The following TRHDE variants were observed in gnomAD, a reference collection of about 807,000 sequenced individuals.
The protein encoded by TRHDE is thyrotropin releasing hormone degrading enzyme.
Under a neutral mutation model 125.7 loss-of-function variants are expected in TRHDE, and 72 were observed. That is an observed-to-expected ratio of 0.57 (90% CI 0.47 to 0.70). The LOEUF (loss-of-function observed/expected upper bound fraction) is 0.70, where lower values mean the gene tolerates loss of function less well. TRHDE is among the 30% of genes least tolerant of loss of function. TRHDE has a pLI of 0.00. For synonymous variants in TRHDE, 509 were observed against 509.1 expected, an observed-to-expected ratio of 1.00 and a Z score of 0.00; for missense variants, 1,110 against 1,327.1, an observed-to-expected ratio of 0.84 and a Z score of 2.54.
At chr12:72,508,952 T>C (rs1878470407) in intron 6 of TRHDE, among the ~76,000 whole-genome samples, 2 of 152,096 alleles carry the variant, frequency 1.3e-5, no homozygotes, top group African/African-American at 4.8e-5. Flanking sequence ...TTGCCTTCTG[T>C]TATGATTGTA....
chr12:72,525,300 T>G (rs1868312343), intron 6 of TRHDE, among the ~76,000 whole-genome samples: 1 of 152,120 alleles, frequency 6.6e-6, no homozygotes. Flanking sequence ...CCTTTAGATA[T>G]GTGCATTGTT....
chr12:72,666,868 TATTA>T lies in TRHDE; in HGVS notation c.*3678_*3681del, dbSNP rs894753243. The T allele has an allele frequency of 1.3e-5, 2 of 152,220 alleles. No individual in the cohort carries two copies. The highest frequency in any genetic ancestry group is 1.9e-4 in the East Asian group (1 of 5,162). The allele number at this position is 152,220 out of a possible 1,614,324, so 9.4% of individuals were successfully genotyped here. Reference sequence around the variant, plus strand: ...GACAAATAATTTAATTCATTTAGTTTATTAATTATATTTCCTGTCTGTATCTTTT... The same window carrying T: ...GACAAATAATTTAATTCATTTAGTTTATTATATTTCCTGTCTGTATCTTTT... On this transcript the variant is annotated 3_prime_UTR_variant, in exon 19 of 19. Transcript: ENST00000261180.
At chr12:72,358,739 G>A (rs1592567106) in intron 2 of TRHDE, among the ~76,000 whole-genome samples, 1 of 151,674 alleles carries the variant, frequency 6.6e-6, no homozygotes, top group Non-Finnish European at 1.5e-5. Context: ...AAAAGACTAC[G>A]TGACCTACCT....
At chr12:72,376,662 A>C (rs1339105125) in intron 2 of TRHDE, among the ~76,000 whole-genome samples, 1 of 152,204 alleles carries the variant, frequency 6.6e-6, no homozygotes, top group Non-Finnish European at 1.5e-5. Flanking sequence ...CCTTGACTTC[A>C]TACTCTTTTT....
chr12:72,164,493 T>C (rs1435675506), intron 2 of TRHDE, among the ~76,000 whole-genome samples: 1 of 152,142 alleles, frequency 6.6e-6, no homozygotes, highest in Non-Finnish European at 1.5e-5. Context: ...GAGAGTCCAG[T>C]GGTGGTGAGC....
intron 6 of TRHDE, among the ~76,000 whole-genome samples, chr12:72,508,818 C>T (rs1234628522): frequency 6.6e-6 from 1 of 152,010 alleles, no homozygotes; most frequent in Non-Finnish European, 1.5e-5. Context: ...GTGGATTTCC[C>T]CCTTGCTGTT....
chr12:72,432,145 T>C (rs1874516486), intron 3 of TRHDE: 1 of 152,422 alleles, frequency 6.6e-6, no homozygotes, highest in Non-Finnish European at 1.5e-5. Context: ...AGCAACAGCA[T>C]TACAGAGACT....
intron 2 of TRHDE, among the ~76,000 whole-genome samples, chr12:72,127,968 C>T (rs1307397957): frequency 6.6e-6 from 1 of 151,860 alleles, no homozygotes; most frequent in East Asian, 1.9e-4. Context: ...TCTGGGGGGA[C>T]TAAGGTGGCC....
chr12:72,196,331 A>G, intron 2 of TRHDE, among the ~76,000 whole-genome samples: 1 of 152,130 alleles, frequency 6.6e-6, no homozygotes, highest in Non-Finnish European at 1.5e-5. Context: ...CCATTTTAAC[A>G]ATATTGAATC....
rs1293859330 is a variant in TRHDE, at chr12:72,668,846, A to C, written c.*5651A>C. ...AAGCCTTATATAGCTCAAACTAGTC[A>C]TTAATCTGCCCTCAGCATGTATGAA... On this transcript the variant is annotated 3_prime_UTR_variant, in exon 19 of 19. Transcript: ENST00000261180. 6.6e-6 allele frequency: 1 copy of C among 151,856 alleles called. No individual in the cohort carries two copies. The highest frequency in any genetic ancestry group is 2.4e-5 in the African/African-American group (1 of 41,424). 9.4% of individuals were successfully genotyped at this position (151,856 alleles called of 1,614,324 possible). A position where few individuals can be genotyped will look rare whatever the true frequency, so the allele number is the denominator to read the frequency against.
At chr12:72,247,500 TC>T (rs1160043238) in intron 2 of TRHDE, among the ~76,000 whole-genome samples, 1 of 150,892 alleles carries the variant, frequency 6.6e-6, no homozygotes, top group Non-Finnish European at 1.5e-5. Context: ...TGATGGGTAC[TC>T]TGAGCCTCAG....
chr12:72,566,175 C>A (rs1048426631), intron 9 of TRHDE, among the ~76,000 whole-genome samples: 2 of 151,820 alleles, frequency 1.3e-5, no homozygotes, highest in Non-Finnish European at 2.9e-5. Context: ...TACGGTATTT[C>A]AAAAATAAAT....
At chr12:72,354,867 A>G (rs1870742160) in intron 2 of TRHDE, among the ~76,000 whole-genome samples, 1 of 151,432 alleles carries the variant, frequency 6.6e-6, no homozygotes, top group Non-Finnish European at 1.5e-5. Context: ...CTTTGCCCAG[A>G]GGAGCTGTAA....
chr12:72,644,267 C>T (rs1192659944), intron 15 of TRHDE, among the ~76,000 whole-genome samples: 1 of 151,932 alleles, frequency 6.6e-6, no homozygotes, highest in Non-Finnish European at 1.5e-5. Flanking sequence ...AGAATTCCTC[C>T]TCCCGGCTTC....
At chr12:72,627,748 TA>T (rs1301643644) in intron 15 of TRHDE, among the ~76,000 whole-genome samples, 9 of 151,752 alleles carry the variant, frequency 5.9e-5, no homozygotes, top group Non-Finnish European at 1.0e-4. Flanking sequence ...GGCACTGTCA[TA>T]AGTTACTTCA....
intron 2 of TRHDE, among the ~76,000 whole-genome samples, chr12:72,171,592 C>T (rs572781425): frequency 2.6e-5 from 4 of 152,080 alleles, no homozygotes; most frequent in Admixed American, 6.5e-5. Context: ...TCTGAGGGTG[C>T]GCCTATATTT....
intron 2 of TRHDE, among the ~76,000 whole-genome samples, chr12:72,153,030 CT>C (rs1414087199): frequency 1.3e-5 from 2 of 152,084 alleles, no homozygotes; most frequent in East Asian, 3.9e-4. Flanking sequence ...TGGTCCTGGA[CT>C]TTTTTTGGTT....
chr12:72,129,233 C>T (rs903878641), intron 2 of TRHDE, among the ~76,000 whole-genome samples: 2 of 152,072 alleles, frequency 1.3e-5, no homozygotes, highest in African/African-American at 4.8e-5. Context: ...AATTTATCAC[C>T]AGCAGACCTG....
chr12:72,525,869 A>C (rs930910261), intron 6 of TRHDE, among the ~76,000 whole-genome samples: 1 of 152,136 alleles, frequency 6.6e-6, no homozygotes, highest in African/African-American at 2.4e-5. Context: ...ATTAGTGATT[A>C]ATGCCAAATA....
Sources: gnomAD v4.1 joint callset for allele counts (sites outside exome capture counted in the v4.1 genomes callset) on GRCh38, gnomAD v4.1.1 for gene constraint, MANE v1.5 for transcripts, NCBI Gene and HGNC (gene_info 2026-07-23, HGNC 2026-07-21) for gene names.